ANKRD6: variants seen among roughly 807,000 people sequenced by gnomAD.
The protein encoded by ANKRD6 is ankyrin repeat domain-containing protein 6.
In ANKRD6, 56 loss-of-function variants were observed where a neutral mutation model predicts 82.3. The observed-to-expected ratio is 0.68, with a 90% confidence interval of 0.55 to 0.85. ANKRD6 has a LOEUF of 0.85. Ranked by LOEUF, ANKRD6 falls within the 40% of genes least tolerant of loss-of-function variation. ANKRD6 has a pLI of 0.00. For synonymous variants in ANKRD6, 347 were observed against 352.1 expected (o/e 0.99, Z 0.16); for missense variants, 852 against 907.6 (o/e 0.94, Z 0.79).
chr6:89,436,423 A>G (rs1313319236), intron 1 of ANKRD6, among the ~76,000 whole-genome samples: 3 of 152,250 alleles, frequency 2.0e-5, no homozygotes, highest in Non-Finnish European at 4.4e-5. Context: ...GTGTCCAGAC[A>G]TGTTTGGTAT....
At chr6:89,535,156 T>C (rs1783664965) in intron 1 of ANKRD6, among the ~76,000 whole-genome samples, 1 of 152,224 alleles carries the variant, frequency 6.6e-6, no homozygotes, top group African/African-American at 2.4e-5. Context: ...AAATGGAATG[T>C]ATATTTAAAA....
At chr6:89,434,108 G>A (rs1399899669) in intron 1 of ANKRD6, among the ~76,000 whole-genome samples, 1 of 152,198 alleles carries the variant, frequency 6.6e-6, no homozygotes, top group African/African-American at 2.4e-5. Context: ...TCACGTGGTA[G>A]TAAAGAGCCA....
chr6:89,520,101 A>G (rs1781713876), intron 1 of ANKRD6, among the ~76,000 whole-genome samples: 1 of 152,090 alleles, frequency 6.6e-6, no homozygotes, highest in Non-Finnish European at 1.5e-5. Context: ...CTCCTACTTC[A>G]GCCTCCCACA....
intron 1 of ANKRD6, among the ~76,000 whole-genome samples, chr6:89,556,942 A>G (rs1786681127): frequency 2.0e-5 from 3 of 152,114 alleles, no homozygotes; most frequent in African/African-American, 7.2e-5. Context: ...CAAAGCTTAT[A>G]TTTTTAGTCT....
rs1804432118 is a variant in ANKRD6 at position 89,623,527 on chromosome 6, A to G, written c.1015A>G (p.Arg339Gly). 1.3e-6 allele frequency: 2 copies of G among 1,585,502 alleles called. No individual in the cohort carries two copies. Among genetic ancestry groups the G allele is most frequent in the Non-Finnish European group, 1.7e-6 (2 of 1,165,914 alleles). Reference sequence around the variant, plus strand: ...ACCCAGAGCAAAGGATGACAGGAGGAGAAAGTCAAGGCCCAAGGTCAGGAG... The same window carrying G: ...ACCCAGAGCAAAGGATGACAGGAGGGGAAAGTCAAGGCCCAAGGTCAGGAG... Reference protein sequence around the residue: ...PEPRAKDDRRRKSRPKVSAFS... With the variant: ...PEPRAKDDRRGKSRPKVSAFS... The change falls in exon 11 of 16, where the codon AGA becomes GGA. Residue 339 changes from arginine (R) to glycine (G), a missense_variant. Transcript: ENST00000339746.
chr6:89,441,620 C>CTTTTTTTTTTT (rs71556522), intron 1 of ANKRD6, among the ~76,000 whole-genome samples: 2 of 80,470 alleles, frequency 2.5e-5, no homozygotes, highest in African/African-American at 5.1e-5. Flanking sequence ...CTTTTCTTTC[C>CTTTTTTTTTTT]TTTTTTTTTT....
At position 89,612,384 on chromosome 6, in the gene ANKRD6, A is replaced by G. The variant is rs1222398580; in HGVS notation, c.516+14A>G. The G allele has an allele frequency of 3.9e-6, 6 of 1,538,422 alleles. No individual in the cohort carries two copies. The highest frequency in any genetic ancestry group is 5.3e-6 in the Non-Finnish European group (6 of 1,135,184). On this transcript the variant is annotated intron_variant, in intron 6 of 15. Coordinates refer to ENST00000339746, the MANE Select transcript of ANKRD6 (RefSeq NM_001242809.2). The stretch of plus-strand genomic sequence containing the variant: ...CTCAAAAATAATGTGGGTGAACAAA[A>G]CCAGATTCTCACGTTCTCTCTTTCT...
intron 7 of ANKRD6, among the ~76,000 whole-genome samples, chr6:89,616,042 T>C (rs1336073298): frequency 6.6e-6 from 1 of 152,208 alleles, no homozygotes; most frequent in Admixed American, 6.5e-5. Context: ...TGAGTCCCAG[T>C]GGCCCCTTCA....
intron 1 of ANKRD6, among the ~76,000 whole-genome samples, chr6:89,538,556 A>G (rs180857840): frequency 6.6e-6 from 1 of 152,342 alleles, no homozygotes; most frequent in African/African-American, 2.4e-5. Context: ...ATATCTTACT[A>G]TGAAAAAATT....
At chr6:89,575,352 G>A (rs1428805422) in intron 2 of ANKRD6, among the ~76,000 whole-genome samples, 2 of 152,092 alleles carry the variant, frequency 1.3e-5, no homozygotes, top group Non-Finnish European at 2.9e-5. Flanking sequence ...GGAATTGAGG[G>A]GCCAGAGATA....
At chr6:89,614,515 G>A (rs1434825515) in intron 7 of ANKRD6, among the ~76,000 whole-genome samples, 2 of 152,036 alleles carry the variant, frequency 1.3e-5, no homozygotes, top group African/African-American at 2.4e-5. Flanking sequence ...GCGTGGTGGC[G>A]TGCACCTGCA....
At chr6:89,457,532 C>T (rs1274359017) in intron 1 of ANKRD6, among the ~76,000 whole-genome samples, 1 of 152,134 alleles carries the variant, frequency 6.6e-6, no homozygotes, top group Non-Finnish European at 1.5e-5. Context: ...AATTTTTATG[C>T]TTAATCTCTC....
intron 2 of ANKRD6, among the ~76,000 whole-genome samples, chr6:89,582,368 T>G (rs147944604): frequency 8.0e-4 from 121 of 152,106 alleles, no homozygotes; most frequent in Admixed American, 6.9e-3. Context: ...TTTTTTTACT[T>G]TTTGTGGAGA....
rs533442607 is a variant in ANKRD6 at position 89,557,785 on chromosome 6, G to A, written c.-143-9049G>A. Among the ~76,000 whole-genome samples, 22 of 152,140 alleles carry A rather than the reference G, an allele frequency of 1.4e-4. 1 individual carries two copies. The East Asian group carries it at 3.3e-3, about 23-fold the overall frequency. ...GAGCTCCCCCTCCTGTCAGATCAGC[G>A]GCAGCGTTAGATTCTTATAGGAGTG... On this transcript the variant is annotated intron_variant, in intron 1 of 15. Coordinates refer to ENST00000339746, the MANE Select transcript of ANKRD6 (RefSeq NM_001242809.2).
rs532594966 is a variant in ANKRD6, at chr6:89,617,363, A to C, written c.715-591A>C. The stretch of plus-strand genomic sequence containing the variant: ...GCTCTACAACCAGTACTGGGGGTGC[A>C]GTTCCATGATGCCTTGAATATCTTC... On this transcript the variant is annotated intron_variant, in intron 8 of 15. Coordinates refer to ENST00000339746, the MANE Select transcript of ANKRD6 (RefSeq NM_001242809.2). 2.0e-5 allele frequency among the ~76,000 whole-genome samples: 3 copies of C among 152,278 alleles called. No individual in the cohort carries two copies. In the South Asian group the frequency reaches 6.2e-4, roughly 32 times the overall value.
chr6:89,565,858 A>G (rs1788403347), intron 1 of ANKRD6, among the ~76,000 whole-genome samples: 1 of 152,158 alleles, frequency 6.6e-6, no homozygotes, highest in Non-Finnish European at 1.5e-5. Flanking sequence ...AGAAGCCCTC[A>G]CTTCCTTGCT....
intron 2 of ANKRD6, among the ~76,000 whole-genome samples, chr6:89,573,217 A>G (rs4707550): frequency 0.52 from 79,359 of 152,084 alleles, 21,076 homozygotes; most frequent in South Asian, 0.72. Flanking sequence ...TATTGTGACT[A>G]TGTAAATGCT....
intron 1 of ANKRD6, among the ~76,000 whole-genome samples, chr6:89,535,447 C>A (rs546747577): frequency 1.4e-4 from 22 of 152,290 alleles, no homozygotes; most frequent in African/African-American, 5.3e-4. Context: ...AAAATACAAG[C>A]ACACACACTC....
chr6:89,490,077 A>G (rs1777837989), intron 1 of ANKRD6, among the ~76,000 whole-genome samples: 1 of 152,196 alleles, frequency 6.6e-6, no homozygotes, highest in South Asian at 2.1e-4. Flanking sequence ...AATGGCATCT[A>G]AGCACCTTGC....
Sources: gnomAD v4.1 joint callset for allele counts (sites outside exome capture counted in the v4.1 genomes callset) on GRCh38, gnomAD v4.1.1 for gene constraint, MANE v1.5 for transcripts, NCBI Gene and HGNC (gene_info 2026-07-23, HGNC 2026-07-21) for gene names.